The following BLTP1 variants were observed in gnomAD, a reference collection of about 807,000 sequenced individuals.
BLTP1 encodes the protein bridge-like lipid transfer protein family member 1, also known as fragile site-associated protein.
the BLTP1 span, chr4:122,208,692 A>T: frequency 1.0e-6 from 1 of 973,846 alleles, no homozygotes; most frequent in Non-Finnish European, 1.2e-6. Flanking sequence ...TTTCAATTCA[A>T]ATTTAGTTTT....
chr4:122,276,125 G>A, the BLTP1 span: 14 of 1,016,634 alleles, frequency 1.4e-5, no homozygotes, highest in Non-Finnish European at 5.4e-6. Flanking sequence ...TTTAGTTATT[G>A]TTTTGTAGCT....
At chr4:122,263,891 A>T in the BLTP1 span, among the ~76,000 whole-genome samples, 1 of 152,220 alleles carries the variant, frequency 6.6e-6, no homozygotes, top group African/African-American at 2.4e-5. Context: ...AAGTGTAATT[A>T]CAACATCATA....
At chr4:122,324,665 T>A in the BLTP1 span, 1 of 633,958 alleles carries the variant, frequency 1.6e-6, no homozygotes, top group Non-Finnish European at 2.5e-6. Context: ...AAAATAGCAA[T>A]AACAGTGGAT....
At chr4:122,162,825 A>G in the BLTP1 span, 1 of 202,998 alleles carries the variant, frequency 4.9e-6, no homozygotes, top group Non-Finnish European at 8.7e-6. Context: ...TTAAAAATAT[A>G]TGGAAGCAAT....
the BLTP1 span, chr4:122,273,432 A>C: frequency 1.0e-6 from 1 of 984,966 alleles, no homozygotes; most frequent in Non-Finnish European, 1.2e-6. Context: ...CCTTCCCTGG[A>C]AATATCACAA....
At chr4:122,197,200 CAA>C in the BLTP1 span, 2 of 1,213,894 alleles carry the variant, frequency 1.6e-6, no homozygotes, top group Non-Finnish European at 2.3e-6. Flanking sequence ...TGGTAGGAAA[CAA>C]ATGCTGTACA....
At chr4:122,202,341 C>T in the BLTP1 span, among the ~76,000 whole-genome samples, 1 of 152,084 alleles carries the variant, frequency 6.6e-6, no homozygotes, top group East Asian at 1.9e-4. Flanking sequence ...ATGTGTCTGG[C>T]TCTGTCCTAA....
chr4:122,299,453 A>G, the BLTP1 span, among the ~76,000 whole-genome samples: 2 of 152,300 alleles, frequency 1.3e-5, no homozygotes, highest in African/African-American at 4.8e-5. Flanking sequence ...AATTCAAATG[A>G]TGAAAAGCAG....
chr4:122,297,516 G>A, the BLTP1 span, among the ~76,000 whole-genome samples: 1 of 151,918 alleles, frequency 6.6e-6, no homozygotes, highest in Non-Finnish European at 1.5e-5. Context: ...TAAAAAATCT[G>A]GAAGCAAAAA....
the BLTP1 span, among the ~76,000 whole-genome samples, chr4:122,332,877 G>A: frequency 9.3e-6 from 1 of 106,984 alleles, no homozygotes; most frequent in Non-Finnish European, 1.8e-5. Context: ...GAGAATATGC[G>A]GTGTTTGGTT....
chr4:122,313,527 T>C, the BLTP1 span: 1 of 794,896 alleles, frequency 1.3e-6, no homozygotes, highest in Non-Finnish European at 1.9e-6. Context: ...GTAATCCTCT[T>C]TGTATTTAGA....
At chr4:122,279,151 C>G in the BLTP1 span, among the ~76,000 whole-genome samples, 1 of 152,180 alleles carries the variant, frequency 6.6e-6, no homozygotes, top group East Asian at 1.9e-4. Flanking sequence ...TTTTGGCACC[C>G]ATCGAGTGGA....
At chr4:122,204,612 G>A in the BLTP1 span, 1 of 978,200 alleles carries the variant, frequency 1.0e-6, no homozygotes, top group African/African-American at 1.8e-5. Flanking sequence ...TTCCTTAGCA[G>A]AGAGGATATG....
chr4:122,295,644 A>G, the BLTP1 span, among the ~76,000 whole-genome samples: 10 of 152,202 alleles, frequency 6.6e-5, 1 homozygote, highest in African/African-American at 2.4e-4. Flanking sequence ...CGACAAAAAA[A>G]GAAAACTTCA....
the BLTP1 span, chr4:122,263,048 T>C: frequency 6.6e-7 from 1 of 1,505,238 alleles, no homozygotes; most frequent in Non-Finnish European, 9.0e-7. Flanking sequence ...GAAACAGGAC[T>C]TAAGTTTAGT....
chr4:122,337,140 A>C, the BLTP1 span: 1 of 884,764 alleles, frequency 1.1e-6, no homozygotes, highest in Non-Finnish European at 1.8e-6. Context: ...ATGAACCTTT[A>C]GTATGTTTGT....
chr4:122,206,630 A>C, the BLTP1 span, among the ~76,000 whole-genome samples: 4 of 151,876 alleles, frequency 2.6e-5, no homozygotes, highest in Non-Finnish European at 5.9e-5. Flanking sequence ...AACTATAAAA[A>C]ATGGTTAAGT....
chr4:122,204,183 A>T, the BLTP1 span, among the ~76,000 whole-genome samples: 1 of 151,916 alleles, frequency 6.6e-6, no homozygotes, highest in African/African-American at 2.4e-5. Context: ...ACAATACCAG[A>T]CATTATGTAT....
the BLTP1 span, among the ~76,000 whole-genome samples, chr4:122,179,189 A>G: frequency 6.6e-6 from 1 of 152,172 alleles, no homozygotes; most frequent in African/African-American, 2.4e-5. Context: ...AGGTGGGAAC[A>G]TGCCTCAGGC....
Sources: allele counts gnomAD v4.1 joint callset (sites outside exome capture counted in the v4.1 genomes callset), GRCh38; gene constraint gnomAD v4.1.1; transcripts MANE v1.5; gene names NCBI Gene and HGNC (gene_info 2026-07-23, HGNC 2026-07-21).